The following SLC5A11 variants were observed in gnomAD, a reference collection of about 807,000 sequenced individuals.
SLC5A11 encodes the protein solute carrier family 5 member 11.
Under a neutral mutation model 69.8 loss-of-function variants are expected in SLC5A11, and 48 were observed. The observed-to-expected ratio is 0.69, with a 90% CI of 0.55 to 0.87. The LOEUF is 0.87. Ranked by LOEUF, SLC5A11 falls within the 40% of genes least tolerant of loss-of-function variation. The pLI is 0.00. For missense variants in SLC5A11, 784 were observed against 866.1 expected, an observed-to-expected ratio of 0.91 and a Z score of 1.19; for synonymous variants, 319 against 342.4, an observed-to-expected ratio of 0.93 and a Z score of 0.75.
At chr16:24,908,489 C>T (rs1415143736) in intron 13 of SLC5A11, among the ~76,000 whole-genome samples, 2 of 150,592 alleles carry the variant, frequency 1.3e-5, no homozygotes, top group East Asian at 2.0e-4. Context: ...ATCCCAGCTA[C>T]TCAGATGCTG....
intron 3 of SLC5A11, among the ~76,000 whole-genome samples, chr16:24,866,653 T>C (rs2046938913): frequency 6.7e-6 from 1 of 149,134 alleles, no homozygotes; most frequent in African/African-American, 2.5e-5. Context: ...AAACACAATA[T>C]ATTTCAAATA....
intron 5 of SLC5A11, among the ~76,000 whole-genome samples, chr16:24,875,115 A>C (rs561235758): frequency 1.3e-5 from 2 of 152,290 alleles, no homozygotes; most frequent in South Asian, 4.2e-4. Context: ...CTAGGATTAC[A>C]GGTGTAAGCC....
At chr16:24,902,569 C>T (rs554483792) in intron 10 of SLC5A11, among the ~76,000 whole-genome samples, 14 of 122,430 alleles carry the variant, frequency 1.1e-4, no homozygotes, top group Admixed American at 1.9e-4. Context: ...TTTTTTGAGA[C>T]GGTGTTTTGC....
chr16:24,890,804 A>T, intron 8 of SLC5A11, 65 bp from the exon 10 acceptor site: 2 of 1,493,226 alleles, frequency 1.3e-6, no homozygotes, highest in Non-Finnish European at 1.9e-6. Context: ...GTCTCCAGCC[A>T]TCTCCTCATC....
intron 3 of SLC5A11, among the ~76,000 whole-genome samples, chr16:24,868,151 A>G (rs2047030652): frequency 1.3e-5 from 2 of 151,448 alleles, no homozygotes; most frequent in East Asian, 3.9e-4. Context: ...AAAAAAAAAA[A>G]GTAAAGACAG....
At chr16:24,898,607 C>T (rs2152394149) in intron 10 of SLC5A11, among the ~76,000 whole-genome samples, 2 of 151,826 alleles carry the variant, frequency 1.3e-5, no homozygotes, top group South Asian at 4.2e-4. Flanking sequence ...CAAGCTCTGC[C>T]TCCTGGGTTC....
At chr16:24,899,715 C>CT (rs201113842) in intron 10 of SLC5A11, among the ~76,000 whole-genome samples, 1,880 of 148,808 alleles carry the variant, frequency 0.013, 50 homozygotes, top group African/African-American at 0.044. Context: ...GGTACTTTTT[C>CT]TTTTTTTTAG....
At chr16:24,869,904 G>C (rs768971403) in exon 4 of SLC5A11, 19 of 1,613,464 alleles carry the variant, frequency 1.2e-5, no homozygotes, top group Non-Finnish European at 1.5e-5. Flanking sequence ...CCCACAGGTG[G>C]GTGCATCCTT....
intron 3 of SLC5A11, among the ~76,000 whole-genome samples, chr16:24,868,722 A>C (rs2047078443): frequency 6.6e-6 from 1 of 152,218 alleles, no homozygotes; most frequent in Non-Finnish European, 1.5e-5. Context: ...TTTGATAAGA[A>C]GCAGAGACAG....
intron 5 of SLC5A11, among the ~76,000 whole-genome samples, chr16:24,874,740 C>T (rs1320526119): frequency 1.3e-5 from 2 of 152,044 alleles, no homozygotes; most frequent in African/African-American, 4.8e-5. Context: ...AGCCACCATG[C>T]CCAGCTAATT....
At chr16:24,906,500 G>A (rs796498709) in intron 10 of SLC5A11, among the ~76,000 whole-genome samples, 157 bp from the exon 12 acceptor site, 5 of 151,886 alleles carry the variant, frequency 3.3e-5, no homozygotes, top group African/African-American at 1.2e-4. Context: ...CTCAGAAAGC[G>A]TAAGTAACAA....
chr16:24,907,389 T>C (rs887446549), intron 12 of SLC5A11, among the ~76,000 whole-genome samples: 1 of 152,146 alleles, frequency 6.6e-6, no homozygotes, highest in African/African-American at 2.4e-5. Flanking sequence ...CTTGCCTTCA[T>C]GGAGCCAGGG....
intron 8 of SLC5A11, among the ~76,000 whole-genome samples, chr16:24,886,555 G>T (rs1489192537): frequency 6.6e-6 from 1 of 152,062 alleles, no homozygotes; most frequent in Non-Finnish European, 1.5e-5. Context: ...AATCACAAAA[G>T]AAAACTTTTC....
chr16:24,891,710 C>A (rs2048821289), intron 9 of SLC5A11, among the ~76,000 whole-genome samples: 1 of 152,100 alleles, frequency 6.6e-6, no homozygotes, highest in Non-Finnish European at 1.5e-5. Flanking sequence ...TATTGGACAT[C>A]ATTTGTTCAA....
intron 5 of SLC5A11, among the ~76,000 whole-genome samples, chr16:24,873,701 C>A (rs1005439666): frequency 7.2e-5 from 11 of 151,762 alleles, no homozygotes; most frequent in African/African-American, 2.4e-4. Flanking sequence ...TTCTCCTTGG[C>A]TTTCCTATTA....
At chr16:24,875,580 C>T (rs776306929) in intron 5 of SLC5A11, 47 bp from the exon 7 acceptor site, 2 of 1,515,108 alleles carry the variant, frequency 1.3e-6, no homozygotes, top group East Asian at 2.3e-5. Context: ...GGGTCACGTG[C>T]TGGTGGTGAA....
At chr16:24,877,126 G>A (rs951591534) in intron 6 of SLC5A11, 132 bp from the exon 8 acceptor site, 181 of 1,510,884 alleles carry the variant, frequency 1.2e-4, no homozygotes, top group Non-Finnish European at 1.5e-4. Context: ...GGATTAACAA[G>A]GGATGACGTA....
chr16:24,901,031 G>A (rs1447768432), intron 10 of SLC5A11, among the ~76,000 whole-genome samples: 3 of 151,988 alleles, frequency 2.0e-5, no homozygotes, highest in African/African-American at 7.2e-5. Context: ...GTGTGGATAT[G>A]AATATGGATT....
At chr16:24,907,414 G>A (rs72770478) in intron 12 of SLC5A11, among the ~76,000 whole-genome samples, 7,587 of 152,232 alleles carry the variant, frequency 0.05, 253 homozygotes, top group Middle Eastern at 0.14. Flanking sequence ...AGGAGAATAA[G>A]CAAATAATTT....
Sources: allele counts gnomAD v4.1 joint callset (sites outside exome capture counted in the v4.1 genomes callset), GRCh38; gene constraint gnomAD v4.1.1; transcripts MANE v1.5; gene names NCBI Gene and HGNC (gene_info 2026-07-23, HGNC 2026-07-21).